The following PXDNL variants were observed in gnomAD, a reference collection of about 807,000 sequenced individuals.
The protein encoded by PXDNL is peroxidasin like, also known as probable oxidoreductase PXDNL.
PXDNL carries 145 observed loss-of-function variants against 150.8 expected under a neutral mutation model. The observed-to-expected ratio is 0.96, with a 90% CI of 0.84 to 1.10. The LOEUF is 1.10. PXDNL is among the 50% of genes least tolerant of loss of function. The pLI, the probability that PXDNL is intolerant of heterozygous loss-of-function variation, is 0.00. For synonymous variants in PXDNL, 757 were observed against 725.7 expected, an observed-to-expected ratio of 1.04 and a Z score of -0.69; for missense variants, 2,087 against 1,873.9, an observed-to-expected ratio of 1.11 and a Z score of -2.10.
At chr8:51,530,734 A>C (rs1457819910) in intron 4 of PXDNL, among the ~76,000 whole-genome samples, 1 of 152,022 alleles carries the variant, frequency 6.6e-6, no homozygotes, top group African/African-American at 2.4e-5. Context: ...CGCTCCCTCC[A>C]GGCCTCAGTC....
chr8:51,468,111 T>C (rs1810242931), intron 8 of PXDNL, among the ~76,000 whole-genome samples: 1 of 152,018 alleles, frequency 6.6e-6, no homozygotes, highest in South Asian at 2.1e-4. Flanking sequence ...AAGTGTTCCA[T>C]AACTGCTTGA....
chr8:51,439,149 T>C (rs1809480275), intron 12 of PXDNL, among the ~76,000 whole-genome samples: 1 of 152,082 alleles, frequency 6.6e-6, no homozygotes, highest in African/African-American at 2.4e-5. Context: ...ACCCACAGAA[T>C]AGAAGAAAAT....
intron 6 of PXDNL, among the ~76,000 whole-genome samples, chr8:51,476,116 C>A (rs948316386): frequency 6.6e-6 from 1 of 151,894 alleles, no homozygotes; most frequent in African/African-American, 2.4e-5. Flanking sequence ...AACAAACAAA[C>A]AAAAAAGCTG....
At chr8:51,630,598 AAAC>A (rs1814468962) in intron 2 of PXDNL, among the ~76,000 whole-genome samples, 1 of 152,150 alleles carries the variant, frequency 6.6e-6, no homozygotes, top group South Asian at 2.1e-4. Context: ...AGCAAACCAC[AAAC>A]AACCCCGTTA....
At chr8:51,444,632 G>A (rs1809630020) in intron 12 of PXDNL, among the ~76,000 whole-genome samples, 1 of 152,160 alleles carries the variant, frequency 6.6e-6, no homozygotes, top group African/African-American at 2.4e-5. Flanking sequence ...AGTTAAGGAA[G>A]CTGATTCCTT....
chr8:51,644,321 CATAT>C lies in PXDNL; in HGVS notation c.236+10364_236+10367del, dbSNP rs369187025. ...ACCCTGTAGCAAAGGCACATTTTTA[CATAT>C]ATATATATATATACACACACACACA... On this transcript the variant is annotated intron_variant, in intron 2 of 22. Coordinates refer to ENST00000356297, the MANE Select transcript of PXDNL (RefSeq NM_144651.5). 1.8e-4 allele frequency among the ~76,000 whole-genome samples: 10 copies of C among 55,904 alleles called. 1 individual carries two copies. The highest frequency in any genetic ancestry group is 4.1e-4 in the African/African-American group (10 of 24,204). The allele number at this position is 55,904 out of a possible 152,430, so 36.7% of individuals were successfully genotyped here.
At chr8:51,620,486 T>A (rs78133448) in intron 2 of PXDNL, among the ~76,000 whole-genome samples, 2,611 of 152,292 alleles carry the variant, frequency 0.017, 93 homozygotes, top group African/African-American at 0.06. Context: ...TAAAAGCCAA[T>A]TTCATTGTGT....
At chr8:51,516,076 G>A (rs985973644) in intron 4 of PXDNL, among the ~76,000 whole-genome samples, 2 of 152,062 alleles carry the variant, frequency 1.3e-5, no homozygotes, top group African/African-American at 4.8e-5. Flanking sequence ...CTTCAGCTTT[G>A]GGTGGATTTT....
chr8:51,510,733 C>T (rs748321366), intron 4 of PXDNL, among the ~76,000 whole-genome samples: 1 of 152,178 alleles, frequency 6.6e-6, no homozygotes, highest in Non-Finnish European at 1.5e-5. Context: ...CTATGGTTCA[C>T]ACCTGTAATC....
intron 1 of PXDNL, among the ~76,000 whole-genome samples, chr8:51,738,343 G>C (rs1415443529): frequency 6.6e-6 from 1 of 152,112 alleles, no homozygotes; most frequent in Non-Finnish European, 1.5e-5. Flanking sequence ...ACCATCTTCT[G>C]TCTCCCAAAA....
intron 4 of PXDNL, among the ~76,000 whole-genome samples, chr8:51,543,480 C>T (rs1812267539): frequency 1.3e-5 from 2 of 151,798 alleles, no homozygotes; most frequent in South Asian, 4.2e-4. Context: ...AAAACAATGA[C>T]TATGGGCGGA....
At chr8:51,380,485 T>G (rs1807498641) in intron 17 of PXDNL, among the ~76,000 whole-genome samples, 1 of 152,242 alleles carries the variant, frequency 6.6e-6, no homozygotes, top group Admixed American at 6.5e-5. Flanking sequence ...AATAACTATC[T>G]GTAAGTCTTC....
chr8:51,527,450 A>C (rs1256080271), intron 4 of PXDNL, among the ~76,000 whole-genome samples: 1 of 152,164 alleles, frequency 6.6e-6, no homozygotes, highest in African/African-American at 2.4e-5. Flanking sequence ...CAGAATGACA[A>C]GGAGAGCAAA....
At chr8:51,441,720 A>C (rs1563413666) in intron 12 of PXDNL, among the ~76,000 whole-genome samples, 1 of 152,192 alleles carries the variant, frequency 6.6e-6, no homozygotes, top group Non-Finnish European at 1.5e-5. Context: ...GTATCCATAG[A>C]AAATGGTGAC....
intron 12 of PXDNL, among the ~76,000 whole-genome samples, chr8:51,431,424 C>T (rs1809244390): frequency 6.6e-6 from 1 of 152,202 alleles, no homozygotes; most frequent in South Asian, 2.1e-4. Flanking sequence ...CTTTATTCCA[C>T]AGCCCACTTC....
At chr8:51,494,964 C>A (rs1356421679) in intron 5 of PXDNL, among the ~76,000 whole-genome samples, 1 of 152,162 alleles carries the variant, frequency 6.6e-6, no homozygotes, top group Non-Finnish European at 1.5e-5. Flanking sequence ...CACCCCAAAT[C>A]AACAGAATAT....
Position 51,426,646 on chromosome 8 carries a change from CT to C in PXDNL, c.1637del (p.Lys546ArgfsTer20). 1 of 1,544,724 alleles carries C rather than the reference CT, an allele frequency of 6.5e-7. No homozygotes were observed. Among genetic ancestry groups the C allele is most frequent in the African/African-American group, 1.4e-5 (1 of 73,640 alleles). Reference protein sequence around the residue: ...GEPQPIITWNKEGVQITESGK... With the variant: ...GEPQPIITWNXEGVQITESGK... Reference sequence around the variant, plus strand: ...ACTGTACTTTTAGTTGAGATCTTACCTTATTCCAAGTAATTATGGGCTGTGG... The same window carrying C: ...ACTGTACTTTTAGTTGAGATCTTACCTATTCCAAGTAATTATGGGCTGTGG... On this transcript the variant is annotated frameshift_variant and splice_region_variant, in exon 13 of 23. Coordinates refer to ENST00000356297, the MANE Select transcript of PXDNL (RefSeq NM_144651.5). LOFTEE classifies it high-confidence loss of function.
At chr8:51,424,595 T>C (rs1178194226) in intron 13 of PXDNL, among the ~76,000 whole-genome samples, 1 of 152,088 alleles carries the variant, frequency 6.6e-6, no homozygotes, top group East Asian at 1.9e-4. Flanking sequence ...GAGCTATTAT[T>C]AAAGTGCATT....
At chr8:51,374,106 G>T (rs1173328140) in intron 18 of PXDNL, among the ~76,000 whole-genome samples, 1 of 152,194 alleles carries the variant, frequency 6.6e-6, no homozygotes, top group African/African-American at 2.4e-5. Flanking sequence ...TTTACAAGGA[G>T]ATCTGGTCTA....
Sources: allele counts gnomAD v4.1 joint callset (sites outside exome capture counted in the v4.1 genomes callset), GRCh38; gene constraint gnomAD v4.1.1; transcripts MANE v1.5; gene names NCBI Gene and HGNC (gene_info 2026-07-23, HGNC 2026-07-21).